CBL: variants seen among roughly 807,000 people sequenced by gnomAD.
CBL encodes E3 ubiquitin-protein ligase CBL.
A neutral mutation model predicts 96.9 loss-of-function variants in CBL; 45 were observed. The ratio of observed to expected loss-of-function variants is 0.46; its 90% CI spans 0.37 to 0.60. The LOEUF is 0.60. Among genes scored for constraint, CBL ranks in the 20% least tolerant of loss-of-function variants. The pLI, the probability that CBL is intolerant of heterozygous loss-of-function variation, is 0.00. For missense variants in CBL, 1,024 were observed against 1,143.5 expected (o/e 0.90, Z 1.51); for synonymous variants, 420 against 426.8 (o/e 0.98, Z 0.20).
chr11:119,274,979 T>C, intron 5 of CBL, 26 bp downstream of exon 5: 1 of 1,603,890 alleles, frequency 6.2e-7, no homozygotes, highest in East Asian at 2.3e-5. Context: ...CAAAGAGATT[T>C]ATTCTTCTGA....
Position 119,274,970 on chromosome 11 carries a change from A to G in CBL, c.869+17A>G. Reference sequence around the variant, plus strand: ...ACCTGGCAGGTCAGTTCAATGACGCAAAGAGATTTATTCTTCTGAATTTCG... The same window carrying G: ...ACCTGGCAGGTCAGTTCAATGACGCGAAGAGATTTATTCTTCTGAATTTCG... On this transcript the variant is annotated intron_variant, in intron 5 of 15. Coordinates refer to ENST00000264033, the MANE Select transcript of CBL (RefSeq NM_005188.4). The G allele has an allele frequency of 1.2e-6, 2 of 1,609,448 alleles. No individual in the cohort carries two copies. The highest frequency in any genetic ancestry group is 1.7e-6 in the Non-Finnish European group (2 of 1,178,554).
rs142397502 is a variant in CBL at position 119,243,132 on chromosome 11, G to C, written c.443+10437G>C. ...GTCTCTACTAAAAATACAAAAATTAGCTGTGTGTGGCAGTGCACGCCTGTA... is the reference window on the plus strand; with the variant it reads ...GTCTCTACTAAAAATACAAAAATTACCTGTGTGTGGCAGTGCACGCCTGTA... On this transcript the variant is annotated intron_variant, in intron 2 of 15. Transcript: ENST00000264033. Among the ~76,000 whole-genome samples, 1,220 of 152,160 alleles carry C rather than the reference G, an allele frequency of 8.0e-3. 20 individuals are homozygous for C. The highest frequency in any genetic ancestry group is 0.028 in the African/African-American group (1,151 of 41,512).
In CBL at chr11:119,230,042, T is replaced by TG; in HGVS notation, c.196-2400dup. On this transcript the variant is annotated intron_variant, in intron 1 of 15. Transcript: ENST00000264033. ...TTGAAAACAAAAGAAATGTTAAAGTTGGGGGGAGATGGTTAAGATATGTTA... is the reference window on the plus strand; with the variant it reads ...TTGAAAACAAAAGAAATGTTAAAGTTGGGGGGGAGATGGTTAAGATATGTTA... 2.0e-5 allele frequency among the ~76,000 whole-genome samples: 3 copies of TG among 152,266 alleles called. No individual in the cohort carries two copies. The South Asian group carries it at 6.2e-4, about 32-fold the overall frequency.
chr11:119,236,886 T>G (rs955646113), intron 2 of CBL, among the ~76,000 whole-genome samples: 2 of 151,988 alleles, frequency 1.3e-5, no homozygotes, highest in Non-Finnish European at 2.9e-5. Context: ...TCCCCCTTTA[T>G]CCTCAGTTTA....
chr11:119,219,387 A>G (rs538821593), intron 1 of CBL, among the ~76,000 whole-genome samples: 239 of 151,834 alleles, frequency 1.6e-3, no homozygotes, highest in African/African-American at 4.2e-3. Context: ...AAAAAAAAAA[A>G]AAAGAAAGAA....
At chr11:119,236,328 G>C (rs1322629799) in intron 2 of CBL, among the ~76,000 whole-genome samples, 1 of 151,810 alleles carries the variant, frequency 6.6e-6, no homozygotes, top group Non-Finnish European at 1.5e-5. Flanking sequence ...ATCACATAAC[G>C]GTGGCCTTTT....
At chr11:119,256,682 GTTTGT>G (rs1949713743) in intron 2 of CBL, among the ~76,000 whole-genome samples, 1 of 141,810 alleles carries the variant, frequency 7.1e-6, no homozygotes, top group Non-Finnish European at 1.6e-5. Context: ...CCAGTATGTA[GTTTGT>G]TTTTTTTTTT....
rs141026750 is a variant in CBL at position 119,240,461 on chromosome 11, G to A, written c.443+7766G>A. 3.6e-3 allele frequency among the ~76,000 whole-genome samples: 544 copies of A among 152,232 alleles called. 4 individuals carry two copies. Among genetic ancestry groups the A allele is most frequent in the Non-Finnish European group, 5.4e-3 (369 of 68,022 alleles). On this transcript the variant is annotated intron_variant, in intron 2 of 15. Transcript: ENST00000264033. ...ACTTCCATACTCAGTGCAGATTAAT[G>A]CGTAAATTGCAGAAAAGTTTGGTCT...
intron 2 of CBL, among the ~76,000 whole-genome samples, chr11:119,247,481 T>C (rs1229402987): frequency 6.6e-6 from 1 of 152,226 alleles, no homozygotes; most frequent in Non-Finnish European, 1.5e-5. Flanking sequence ...AGCCAATAAA[T>C]GAGTTCTGCA....
At chr11:119,226,719 A>G (rs1949462399) in intron 1 of CBL, among the ~76,000 whole-genome samples, 1 of 152,136 alleles carries the variant, frequency 6.6e-6, no homozygotes, top group Non-Finnish European at 1.5e-5. Flanking sequence ...CAGCCTCCCA[A>G]AGTGCTGGGA....
chr11:119,252,813 G>A (rs1012805870), intron 2 of CBL, among the ~76,000 whole-genome samples: 6 of 151,270 alleles, frequency 4.0e-5, no homozygotes, highest in South Asian at 2.1e-4. Flanking sequence ...CACAAGAGGC[G>A]GAGGTTGCAG....
chr11:119,285,512 G>T lies in CBL; in HGVS notation c.1887G>T (p.Glu629Asp). The stretch of plus-strand genomic sequence containing the variant: ...CATTTTCATTGCCCTCACAAATGGA[G>T]CCCAGACCAGATGTGCCTAGGCTCG... ...SLPFSLPSQMEPRPDVPRLGS... is the reference protein window; with the variant it reads ...SLPFSLPSQMDPRPDVPRLGS... The change falls in exon 11 of 16, where the codon GAG becomes GAT. Residue 629 changes from glutamate to aspartate, a missense_variant. By Grantham distance (45) the Glu-to-Asp change is conservative. This residue lies in a region of CBL where 695 missense variants were observed against 661.6 expected (regional missense o/e 1.05). Coordinates refer to ENST00000264033, the MANE Select transcript of CBL (RefSeq NM_005188.4). 6.2e-7 allele frequency: 1 copy of T among 1,614,100 alleles called. No individual in the cohort carries two copies.
chr11:119,259,212 T>C (rs1949733756), intron 2 of CBL, among the ~76,000 whole-genome samples: 1 of 152,116 alleles, frequency 6.6e-6, no homozygotes, highest in Admixed American at 6.6e-5. Context: ...TTTAGGTATG[T>C]GATGATATTA....
chr11:119,293,292 G>C (rs1950042167), intron 12 of CBL, among the ~76,000 whole-genome samples: 1 of 152,022 alleles, frequency 6.6e-6, no homozygotes, highest in Admixed American at 6.6e-5. Flanking sequence ...ATATTTAGTA[G>C]AGACAGGGTT....
In CBL at chr11:119,298,533, TACA is replaced by T. The variant is rs1950079228; in HGVS notation, c.2432_2434del (p.Thr811del). On this transcript the variant is annotated inframe_deletion, in exon 15 of 16. Coordinates refer to ENST00000264033, the MANE Select transcript of CBL (RefSeq NM_005188.4). ...GCTGGTTGTCTCTGGATGGTGATCC[TACA>T]ACAAGTGAGTCTCCAGACTACTTTG... 6 of 1,614,106 alleles carry T rather than the reference TACA, an allele frequency of 3.7e-6. No homozygotes were observed. Among genetic ancestry groups the T allele is most frequent in the Non-Finnish European group, 5.1e-6 (6 of 1,179,936 alleles).
intron 1 of CBL, among the ~76,000 whole-genome samples, chr11:119,227,487 A>G (rs749364943): frequency 1.3e-5 from 2 of 151,832 alleles, no homozygotes; most frequent in African/African-American, 4.8e-5. Context: ...AGCCTTATCT[A>G]CTAGTCACCC....
chr11:119,285,439 C>G lies in CBL; in HGVS notation c.1814C>G (p.Ser605Cys). 1 of 1,614,182 alleles carries G rather than the reference C, an allele frequency of 6.2e-7. No individual in the cohort carries two copies. Among genetic ancestry groups the G allele is most frequent in the Non-Finnish European group, 8.5e-7 (1 of 1,180,038 alleles). ...AAAGTACCAGTATCTGCCCCAAGTT[C>G]CAGTGATCCCTGGACAGGAAGAGAA... ...IPKVPVSAPS[S>C]SDPWTGRELT... The change falls in exon 11 of 16, where the codon TCC (serine) becomes TGC (cysteine). Residue 605 changes from serine to cysteine, a missense_variant. Transcript: ENST00000264033.
At chr11:119,268,871 G>T (rs1398584022) in intron 2 of CBL, among the ~76,000 whole-genome samples, 2 of 152,176 alleles carry the variant, frequency 1.3e-5, no homozygotes, top group Non-Finnish European at 2.9e-5. Context: ...GTGTGACACG[G>T]ATTTTTTCTA....
intron 2 of CBL, among the ~76,000 whole-genome samples, chr11:119,260,704 T>G (rs1837579509): frequency 6.6e-6 from 1 of 152,162 alleles, no homozygotes; most frequent in Non-Finnish European, 1.5e-5. Flanking sequence ...GTCTCAAATC[T>G]GTCTTTATTT....
Sources: gnomAD v4.1 joint callset for allele counts (sites outside exome capture counted in the v4.1 genomes callset) on GRCh38, gnomAD v4.1.1 for gene constraint, gnomAD v4.1.1 regional missense constraint, MANE v1.5 for transcripts, NCBI Gene and HGNC (gene_info 2026-07-23, HGNC 2026-07-21) for gene names.